Variants in KCMF1 observed in about 807,000 individuals in gnomAD.
KCMF1 encodes the protein potassium channel modulatory factor 1.
In KCMF1, 3 loss-of-function variants were observed where a neutral mutation model predicts 41.1. The observed-to-expected ratio is 0.07, with a 90% CI of 0.03 to 0.19. The LOEUF (loss-of-function observed/expected upper bound fraction) is 0.19, where lower values mean the gene tolerates loss of function less well. Ranked by LOEUF, KCMF1 falls within the 10% of genes least tolerant of loss-of-function variation. The pLI, the probability that KCMF1 is intolerant of heterozygous loss-of-function variation, is 1.00. For synonymous variants in KCMF1, 142 were observed against 164.5 expected (o/e 0.86, Z 1.04); for missense variants, 286 against 488.9 (o/e 0.58, Z 3.91).
chr2:85,037,740 C>A (rs926531570), intron 3 of KCMF1, among the ~76,000 whole-genome samples: 1 of 152,194 alleles, frequency 6.6e-6, no homozygotes, highest in Non-Finnish European at 1.5e-5. Flanking sequence ...CTTTGCCCCA[C>A]GTTACCTGCA....
At position 85,024,582 on chromosome 2, in the gene KCMF1, G is replaced by A. The variant is rs868112772; in HGVS notation, c.17-3307G>A. On this transcript the variant is annotated intron_variant, in intron 1 of 6. Coordinates refer to ENST00000409785, the MANE Select transcript of KCMF1 (RefSeq NM_020122.5). Reference sequence around the variant, plus strand: ...AGAGAGAGAGAGAGAGAGAGAGAGAGAGTGTGTGTGTGTGTGTGTGTGTGC... The same window carrying A: ...AGAGAGAGAGAGAGAGAGAGAGAGAAAGTGTGTGTGTGTGTGTGTGTGTGC... Among the ~76,000 whole-genome samples, 638 of 115,692 alleles carry A rather than the reference G, an allele frequency of 5.5e-3. 8 individuals are homozygous for A. The highest frequency in any genetic ancestry group is 0.019 in the African/African-American group (619 of 31,978). 75.9% of individuals were successfully genotyped at this position (115,692 alleles called of 152,430 possible). A position where few individuals can be genotyped will look rare whatever the true frequency, so the allele number is the denominator to read the frequency against.
rs1472481004 is a variant in KCMF1, at chr2:85,054,500, C to T, written c.*1091C>T. 1 of 152,036 alleles carries T rather than the reference C, an allele frequency of 6.6e-6. No homozygotes were observed. Among genetic ancestry groups the T allele is most frequent in the East Asian group, 1.9e-4 (1 of 5,194 alleles). The allele number at this position is 152,036 out of a possible 1,614,324, so 9.4% of individuals were successfully genotyped here. The stretch of plus-strand genomic sequence containing the variant: ...TTTTTTCTGGCATAAAAAGTAAAGC[C>T]TTTTAATTGAATCATGCCACCTATA... On this transcript the variant is annotated 3_prime_UTR_variant, in exon 7 of 7. Transcript: ENST00000409785.
At position 85,056,960 on chromosome 2, in the gene KCMF1, C is replaced by T. The variant is rs1469331052; in HGVS notation, c.*3551C>T. The T allele has an allele frequency of 1.3e-5, 2 of 152,070 alleles. No individual in the cohort carries two copies. The highest frequency in any genetic ancestry group is 4.8e-5 in the African/African-American group (2 of 41,402). 9.4% of individuals were successfully genotyped at this position (152,070 alleles called of 1,614,324 possible). A position where few individuals can be genotyped will look rare whatever the true frequency, so the allele number is the denominator to read the frequency against. On this transcript the variant is annotated 3_prime_UTR_variant, in exon 7 of 7. Transcript: ENST00000409785. ...TTGCGAGGCCGAGGCGGGTGGATCACGAGGTCGAGTTTGAGACCATTTTGG... is the reference window on the plus strand; with the variant it reads ...TTGCGAGGCCGAGGCGGGTGGATCATGAGGTCGAGTTTGAGACCATTTTGG...
intron 1 of KCMF1, among the ~76,000 whole-genome samples, chr2:85,008,335 A>ATATGAT (rs1558573516): frequency 6.7e-5 from 1 of 14,986 alleles, no homozygotes; most frequent in Non-Finnish European, 2.4e-4. Flanking sequence ...TATAATATAT[A>ATATGAT]ATATGATATA....
intron 1 of KCMF1, among the ~76,000 whole-genome samples, chr2:85,001,160 A>AT (rs1674317502): frequency 6.9e-6 from 1 of 145,182 alleles, no homozygotes; most frequent in Non-Finnish European, 1.5e-5. Flanking sequence ...TAATTAATTA[A>AT]TTTTTTCATT....
chr2:84,981,793 T>G (rs151270535), intron 1 of KCMF1, among the ~76,000 whole-genome samples: 2,521 of 152,154 alleles, frequency 0.017, 33 homozygotes, highest in South Asian at 0.066. Context: ...TTGTTTGTTT[T>G]TTTGAGATGG....
At chr2:85,032,326 G>A (rs930756001) in intron 2 of KCMF1, among the ~76,000 whole-genome samples, 33 of 150,448 alleles carry the variant, frequency 2.2e-4, no homozygotes, top group Admixed American at 2.0e-3. Flanking sequence ...CATGCACCAC[G>A]ATGTCTGGCT....
chr2:85,053,076 A>C, intron 6 of KCMF1, 72 bp from the exon 7 acceptor site: 1 of 1,370,670 alleles, frequency 7.3e-7, no homozygotes, highest in Non-Finnish European at 9.9e-7. Context: ...AGTGGAGAGC[A>C]CTGTAGAAAT....
intron 1 of KCMF1, among the ~76,000 whole-genome samples, chr2:84,998,885 T>A (rs1674243427): frequency 6.6e-6 from 1 of 151,898 alleles, no homozygotes; most frequent in Non-Finnish European, 1.5e-5. Flanking sequence ...GTGCTGGGAT[T>A]ACAGCTATGA....
chr2:85,051,087 G>A (rs1675797012), intron 6 of KCMF1, among the ~76,000 whole-genome samples: 1 of 152,220 alleles, frequency 6.6e-6, no homozygotes, highest in South Asian at 2.1e-4. Context: ...CCAATTAATG[G>A]TACTCGTTAT....
chr2:85,048,201 G>A (rs774183737), intron 5 of KCMF1, among the ~76,000 whole-genome samples: 3 of 152,094 alleles, frequency 2.0e-5, no homozygotes, highest in Non-Finnish European at 4.4e-5. Context: ...AATTCCAAAT[G>A]TGCTTTGGAC....
chr2:84,987,345 C>G (rs899891442), intron 1 of KCMF1, among the ~76,000 whole-genome samples: 4 of 152,166 alleles, frequency 2.6e-5, no homozygotes, highest in Admixed American at 6.6e-5. Context: ...GTGCCTGTAG[C>G]AGGGAGACCT....
intron 1 of KCMF1, among the ~76,000 whole-genome samples, chr2:84,983,437 A>T (rs1673815700): frequency 6.6e-6 from 1 of 151,842 alleles, no homozygotes; most frequent in African/African-American, 2.4e-5. Flanking sequence ...AGAGATTCTC[A>T]TACCTCAATC....
chr2:85,034,223 G>A (rs142932250), intron 2 of KCMF1, among the ~76,000 whole-genome samples: 12 of 152,108 alleles, frequency 7.9e-5, no homozygotes, highest in African/African-American at 2.9e-4. Flanking sequence ...TCTTAAGTTA[G>A]CATTTACAAA....
chr2:85,049,915 TTGGGA>T (rs1013549860), intron 6 of KCMF1, among the ~76,000 whole-genome samples: 1 of 152,064 alleles, frequency 6.6e-6, no homozygotes, highest in African/African-American at 2.4e-5. Flanking sequence ...TCCCAGCACT[TTGGGA>T]GGCCAAGGCA....
At chr2:85,028,185 A>C in intron 2 of KCMF1, 129 bp downstream of exon 2, 2 of 622,438 alleles carry the variant, frequency 3.2e-6, no homozygotes, top group Non-Finnish European at 5.4e-6. Flanking sequence ...CATGAAATAA[A>C]TCTTACTTTT....
At chr2:85,026,432 C>A (rs1488225067) in intron 1 of KCMF1, among the ~76,000 whole-genome samples, 3 of 149,498 alleles carry the variant, frequency 2.0e-5, no homozygotes, top group Non-Finnish European at 4.4e-5. Flanking sequence ...CTATGGCACC[C>A]AGCCCTGTTC....
intron 1 of KCMF1, among the ~76,000 whole-genome samples, chr2:85,010,846 CTT>C (rs1285447116): frequency 7.1e-5 from 10 of 140,596 alleles, no homozygotes; most frequent in Admixed American, 7.2e-5. Flanking sequence ...TAATCTATTA[CTT>C]TTTTTTTTTT....
intron 1 of KCMF1, among the ~76,000 whole-genome samples, chr2:84,993,700 C>T (rs1674102446): frequency 6.6e-6 from 1 of 151,362 alleles, no homozygotes; most frequent in Non-Finnish European, 1.5e-5. Flanking sequence ...CTCAGCCTCC[C>T]GAGTAGCTGG....
Sources: allele counts gnomAD v4.1 joint callset (sites outside exome capture counted in the v4.1 genomes callset), GRCh38; gene constraint gnomAD v4.1.1; transcripts MANE v1.5; gene names NCBI Gene and HGNC (gene_info 2026-07-23, HGNC 2026-07-21).